PAM: variants seen among roughly 807,000 people sequenced by gnomAD.
PAM encodes peptidyl-glycine alpha-amidating monooxygenase.
PAM carries 72 observed loss-of-function variants against 122.1 expected under a neutral mutation model. That is an observed-to-expected ratio of 0.59 (90% CI 0.49 to 0.72). The LOEUF (loss-of-function observed/expected upper bound fraction) is 0.72, where lower values mean the gene tolerates loss of function less well. PAM is among the 30% of genes least tolerant of loss of function. PAM has a pLI of 0.00. For missense variants in PAM, 1,106 were observed against 1,183.7 expected (o/e 0.93, Z 0.96); for synonymous variants, 389 against 404.4 (o/e 0.96, Z 0.46).
rs1389431016 is a variant in PAM, at chr5:103,009,838, T to C, written c.2303T>C (p.Ile768Thr). 2 of 1,608,528 alleles carry C rather than the reference T, an allele frequency of 1.2e-6. No homozygotes were observed. Among genetic ancestry groups the C allele is most frequent in the East Asian group, 4.5e-5 (2 of 44,786 alleles). The change falls in exon 21 of 26, where the codon ATT (isoleucine) becomes ACT (threonine). Residue 768 changes from isoleucine to threonine, a missense_variant. Transcript: ENST00000438793. Reference protein sequence around the residue: ...GFVMNFSNGEIIDIFKPVRKH... With the variant: ...GFVMNFSNGETIDIFKPVRKH... ...GTGATGAACTTTTCCAATGGGGAAA[T>C]TATAGACATCTTCAAGCCAGTGCGC...
chr5:102,815,561 C>T (rs963390148), intron 1 of PAM, among the ~76,000 whole-genome samples: 1 of 152,138 alleles, frequency 6.6e-6, no homozygotes, highest in Non-Finnish European at 1.5e-5. Flanking sequence ...TCCTGCCCAT[C>T]CTCTGGCCCC....
chr5:102,884,030 T>C (rs1792174772), intron 3 of PAM, among the ~76,000 whole-genome samples: 4 of 151,794 alleles, frequency 2.6e-5, no homozygotes. Flanking sequence ...TGATCCTATC[T>C]TAATAAAAAT....
At chr5:102,872,169 C>G (rs908128125) in intron 3 of PAM, among the ~76,000 whole-genome samples, 8 of 152,102 alleles carry the variant, frequency 5.3e-5, no homozygotes, top group African/African-American at 1.9e-4. Flanking sequence ...CAGCATTTGT[C>G]TTTTAAAGGA....
At chr5:102,858,038 A>G (rs976211147) in intron 1 of PAM, among the ~76,000 whole-genome samples, 1 of 152,330 alleles carries the variant, frequency 6.6e-6, no homozygotes, top group Admixed American at 6.5e-5. Flanking sequence ...TTCCTCATCT[A>G]TAAAACAGAA....
intron 12 of PAM, among the ~76,000 whole-genome samples, chr5:102,954,481 A>T (rs553604141): frequency 6.6e-6 from 1 of 151,602 alleles, no homozygotes; most frequent in Non-Finnish European, 1.5e-5. Flanking sequence ...TTAATATGAG[A>T]TATATTAATA....
At chr5:102,793,512 AGAGT>A (rs1762587581) in intron 1 of PAM, among the ~76,000 whole-genome samples, 1 of 152,242 alleles carries the variant, frequency 6.6e-6, no homozygotes, top group Non-Finnish European at 1.5e-5. Context: ...CCTGGGTGAC[AGAGT>A]GAGACACTGT....
At chr5:103,027,317 T>G (rs1424226531) in intron 24 of PAM, among the ~76,000 whole-genome samples, 2 of 152,206 alleles carry the variant, frequency 1.3e-5, no homozygotes, top group African/African-American at 4.8e-5. Context: ...TCTTGCCTAT[T>G]TCTTTCCACA....
At chr5:103,026,378 CACAG>C (rs1562287016) in intron 24 of PAM, among the ~76,000 whole-genome samples, 1 of 151,968 alleles carries the variant, frequency 6.6e-6, no homozygotes, top group African/African-American at 2.4e-5. Context: ...AAAGCCCTGA[CACAG>C]AAAAAGGCAT....
intron 7 of PAM, among the ~76,000 whole-genome samples, chr5:102,945,510 T>C (rs1756748022): frequency 1.3e-5 from 2 of 151,888 alleles, no homozygotes; most frequent in African/African-American, 4.8e-5. Flanking sequence ...TTTTGCTTCC[T>C]TTCTGCCTTT....
intron 4 of PAM, among the ~76,000 whole-genome samples, chr5:102,912,763 C>T (rs929480096): frequency 6.6e-6 from 1 of 151,924 alleles, no homozygotes; most frequent in Non-Finnish European, 1.5e-5. Context: ...GCCATTCTCT[C>T]TTCATTAATA....
intron 1 of PAM, chr5:102,838,468 T>G (rs1262983058): frequency 6.6e-6 from 1 of 152,134 alleles, no homozygotes. Flanking sequence ...AAGGAAAGAT[T>G]TGAAGATTAT....
intron 25 of PAM, 126 bp downstream of exon 25, chr5:103,028,364 C>T: frequency 1.5e-6 from 1 of 672,036 alleles, no homozygotes; most frequent in South Asian, 1.9e-5. Context: ...TGCAGCTTAG[C>T]ATCTCCCAGA....
intron 5 of PAM, among the ~76,000 whole-genome samples, chr5:102,917,657 T>C (rs1409854377): frequency 1.3e-5 from 2 of 152,180 alleles, no homozygotes; most frequent in Admixed American, 1.3e-4. Context: ...GGTTGGCAAA[T>C]AGGTGTCTTT....
intron 1 of PAM, among the ~76,000 whole-genome samples, chr5:102,755,991 C>G (rs1322329894): frequency 6.6e-6 from 1 of 152,174 alleles, no homozygotes; most frequent in Non-Finnish European, 1.5e-5. Context: ...GAAGTATCCA[C>G]CACTTGGGAT....
chr5:102,856,751 A>G (rs1272119924), intron 1 of PAM, among the ~76,000 whole-genome samples: 2 of 152,192 alleles, frequency 1.3e-5, no homozygotes, highest in Non-Finnish European at 2.9e-5. Context: ...TTGCAGTAGA[A>G]TCATATGCTG....
chr5:103,018,466 G>T (rs1177834085), intron 22 of PAM, among the ~76,000 whole-genome samples: 1 of 152,134 alleles, frequency 6.6e-6, no homozygotes, highest in Non-Finnish European at 1.5e-5. Flanking sequence ...TTGCAGTTGT[G>T]TAAAAAGAAC....
At chr5:102,873,749 A>G (rs2151034998) in intron 3 of PAM, 1 of 152,366 alleles carries the variant, frequency 6.6e-6, no homozygotes, top group South Asian at 2.1e-4. Flanking sequence ...TGTGAAAGAT[A>G]AAAGTCGCTC....
chr5:102,949,559 C>T lies in PAM; in HGVS notation c.666C>T (p.Cys222=). 1 of 1,542,660 alleles carries T rather than the reference C, an allele frequency of 6.5e-7. No individual in the cohort carries two copies. The highest frequency in any genetic ancestry group is 9.0e-7 in the Non-Finnish European group (1 of 1,115,150). ...GEKVVNSDIS[C]HYKNYPMHVF... is the part of the protein sequence containing the mutation. The stretch of plus-strand genomic sequence containing the variant: ...CAGTGGTGAATTCTGACATTTCATG[C>T]CATTATAAAAATTATCCAATGCATG... Residue 222 remains cysteine (C), a synonymous_variant, in exon 10 of 26, where the codon TGC becomes TGT. Coordinates refer to ENST00000438793, the MANE Select transcript of PAM (RefSeq NM_001177306.2).
At chr5:102,785,380 C>CT (rs1229232818) in intron 1 of PAM, among the ~76,000 whole-genome samples, 1 of 152,192 alleles carries the variant, frequency 6.6e-6, no homozygotes, top group Non-Finnish European at 1.5e-5. Context: ...AAGCTTTGTA[C>CT]TTTTGTGTTT....
Sources: gnomAD v4.1 joint callset for allele counts (sites outside exome capture counted in the v4.1 genomes callset) on GRCh38, gnomAD v4.1.1 for gene constraint, MANE v1.5 for transcripts, NCBI Gene and HGNC (gene_info 2026-07-23, HGNC 2026-07-21) for gene names.